HDX: variants seen among roughly 807,000 people sequenced by gnomAD.
The protein encoded by HDX is highly divergent homeobox.
A neutral mutation model predicts 45.2 loss-of-function variants in HDX; 19 were observed. That is an observed-to-expected ratio of 0.42 (90% confidence interval 0.29 to 0.62). HDX has a LOEUF of 0.62. Among genes scored for constraint, HDX ranks in the 20% least tolerant of loss-of-function variants. The probability of loss-of-function intolerance (pLI) is 0.20; values close to 1 mark genes in which losing one functional copy is unlikely to be tolerated. For missense variants in HDX, 532 were observed against 493.9 expected (o/e 1.08, Z -0.73); for synonymous variants, 188 against 172.8 (o/e 1.09, Z -0.69).
chrX:84,393,929 A>G (rs1334764840), intron 5 of HDX, among the ~76,000 whole-genome samples: 1 of 65,089 alleles, frequency 1.5e-5, no homozygotes, highest in Non-Finnish European at 3.0e-5. Context: ...CAAATGGTTG[A>G]TCAATTTTGT....
At chrX:84,377,662 T>C (rs1036894616) in intron 5 of HDX, among the ~76,000 whole-genome samples, 1 of 109,802 alleles carries the variant, frequency 9.1e-6, no homozygotes, top group African/African-American at 3.3e-5. Context: ...AACAAAGAAT[T>C]AGTGAGCTTG....
intron 2 of HDX, among the ~76,000 whole-genome samples, chrX:84,481,611 C>T (rs1337307212): frequency 8.9e-6 from 1 of 111,874 alleles, no homozygotes; most frequent in Non-Finnish European, 1.9e-5. Context: ...TGTTTTCCCT[C>T]TCTACAGGTG....
intron 5 of HDX, among the ~76,000 whole-genome samples, chrX:84,363,886 G>A (rs779741499): frequency 4.5e-5 from 5 of 111,090 alleles, no homozygotes; most frequent in South Asian, 3.8e-4. Context: ...AAGGAGGGAG[G>A]CAATTATCTT....
At chrX:84,364,563 A>G (rs1383342319) in intron 5 of HDX, among the ~76,000 whole-genome samples, 1 of 88,640 alleles carries the variant, frequency 1.1e-5, no homozygotes, top group Non-Finnish European at 2.1e-5. Context: ...GTGCAGTGGT[A>G]CAATCTTGGC....
intron 6 of HDX, among the ~76,000 whole-genome samples, chrX:84,350,093 C>A (rs1224369655): frequency 9.0e-6 from 1 of 111,113 alleles, no homozygotes; most frequent in African/African-American, 3.3e-5. Context: ...CTCTTTGACC[C>A]ACGGATTATT....
chrX:84,479,820 A>C, intron 2 of HDX, among the ~76,000 whole-genome samples: 1 of 111,138 alleles, frequency 9.0e-6, no homozygotes, highest in South Asian at 3.8e-4. Context: ...ATGTTGTTGA[A>C]CATCTTTTTG....
intron 5 of HDX, among the ~76,000 whole-genome samples, chrX:84,422,105 A>G (rs1266930668): frequency 1.8e-5 from 2 of 111,830 alleles, no homozygotes; most frequent in African/African-American, 6.5e-5. Flanking sequence ...TTTTCTCAGC[A>G]CATGGATCAT....
intron 5 of HDX, among the ~76,000 whole-genome samples, chrX:84,424,509 C>T (rs1232634224): frequency 9.0e-6 from 1 of 110,866 alleles, no homozygotes; most frequent in Admixed American, 9.5e-5. Flanking sequence ...CCAAATTTAT[C>T]CTAAGCAAAG....
intron 2 of HDX, among the ~76,000 whole-genome samples, chrX:84,486,066 T>C (rs1277622839): frequency 8.9e-6 from 1 of 112,257 alleles, no homozygotes; most frequent in Non-Finnish European, 1.9e-5. Flanking sequence ...GATATAGGTA[T>C]ACCATATTAT....
chrX:84,381,625 G>A (rs2038190105), intron 5 of HDX, among the ~76,000 whole-genome samples: 1 of 111,562 alleles, frequency 9.0e-6, no homozygotes, highest in South Asian at 3.7e-4. Flanking sequence ...TCAATAAATG[G>A]TGCTGGGAAA....
chrX:84,469,709 A>T (rs374238695), intron 3 of HDX, 134 bp from the exon 4 acceptor site: 1 of 520,704 alleles, frequency 1.9e-6, no homozygotes. Flanking sequence ...AAAAGGTAAA[A>T]TAACAGAAAA....
intron 5 of HDX, among the ~76,000 whole-genome samples, chrX:84,417,218 G>GAGAA (rs1556012085): frequency 0.12 from 11,946 of 100,149 alleles, 645 homozygotes; most frequent in East Asian, 0.17. Flanking sequence ...AAAAAAAAGA[G>GAGAA]AGAAAGAAAG....
At chrX:84,340,969 G>A (rs2037072723) in intron 7 of HDX, among the ~76,000 whole-genome samples, 1 of 111,602 alleles carries the variant, frequency 9.0e-6, no homozygotes, top group Non-Finnish European at 1.9e-5. Context: ...GGTCCATTAA[G>A]AGTGGACCAT....
intron 1 of HDX, among the ~76,000 whole-genome samples, chrX:84,495,934 G>T (rs2040992480): frequency 9.0e-6 from 1 of 111,686 alleles, no homozygotes; most frequent in Non-Finnish European, 1.9e-5. Context: ...ATAATTTTGT[G>T]GTGATATATT....
intron 5 of HDX, among the ~76,000 whole-genome samples, chrX:84,376,042 G>C (rs1432533887): frequency 1.8e-5 from 2 of 112,111 alleles, no homozygotes; most frequent in Non-Finnish European, 3.8e-5. Context: ...CCCCTAAAAG[G>C]ACACTAATTT....
intron 3 of HDX, among the ~76,000 whole-genome samples, chrX:84,473,824 TACTA>T (rs2040496102): frequency 9.0e-6 from 1 of 111,608 alleles, no homozygotes. Flanking sequence ...AAGTAGCACT[TACTA>T]AATGCAATCT....
In HDX at chrX:84,375,206, C is replaced by T. The variant is rs943356920; in HGVS notation, c.1306-13594G>A. 2.9e-3 allele frequency among the ~76,000 whole-genome samples: 316 copies of T among 108,940 alleles called. 2 individuals are homozygous for T. The highest frequency in any genetic ancestry group is 0.01 in the African/African-American group (303 of 29,185). The allele number at this position is 108,940 out of a possible 115,157, so 94.6% of individuals were successfully genotyped here. A position where few individuals can be genotyped will look rare whatever the true frequency, so the allele number is the denominator to read the frequency against. On this transcript the variant is annotated intron_variant, in intron 5 of 10. Coordinates refer to ENST00000373177, the MANE Select transcript of HDX (RefSeq NM_001177479.2). ...AAAATCACAATGAGATACCATCTCA[C>T]ACCAGTTAGAATGGCAATCATTAAA...
intron 1 of HDX, among the ~76,000 whole-genome samples, chrX:84,497,806 C>T (rs1383308978): frequency 9.1e-6 from 1 of 110,333 alleles, no homozygotes; most frequent in African/African-American, 3.3e-5. Flanking sequence ...AGCTCCTTAA[C>T]TTATACCTGG....
chrX:84,472,931 A>C (rs1416229739), intron 3 of HDX, among the ~76,000 whole-genome samples: 1 of 109,558 alleles, frequency 9.1e-6, no homozygotes, highest in African/African-American at 3.3e-5. Flanking sequence ...TAAGATGTAA[A>C]TGATTCTCAT....
Sources: allele counts gnomAD v4.1 joint callset (sites outside exome capture counted in the v4.1 genomes callset), GRCh38; gene constraint gnomAD v4.1.1; transcripts MANE v1.5; gene names NCBI Gene and HGNC (gene_info 2026-07-23, HGNC 2026-07-21).